MBOAT1: variants seen among roughly 807,000 people sequenced by gnomAD.
MBOAT1 encodes membrane-bound glycerophospholipid O-acyltransferase 1.
MBOAT1 carries 67 observed loss-of-function variants against 64.4 expected under a neutral mutation model. The ratio of observed to expected loss-of-function variants is 1.04; its 90% confidence interval spans 0.85 to 1.27. The LOEUF (loss-of-function observed/expected upper bound fraction) is 1.27. Among genes scored for constraint, MBOAT1 ranks in the 50% most tolerant of loss-of-function variants. The probability of loss-of-function intolerance (pLI) is 0.00; values close to 1 mark genes in which losing one functional copy is unlikely to be tolerated. For synonymous variants in MBOAT1, 229 were observed against 218.9 expected, an observed-to-expected ratio of 1.05 and a Z score of -0.41; for missense variants, 563 against 604.6, an observed-to-expected ratio of 0.93 and a Z score of 0.72.
rs773271078 is a variant in MBOAT1, at chr6:20,112,995, G to T, written c.1090C>A (p.Arg364=). The change falls in exon 11 of 13, where the codon CGG becomes AGG. Residue 364 remains arginine (R), a synonymous_variant. Transcript: ENST00000324607. The part of the protein sequence containing the change: ...ATWLKCVCYQ[R]VPWYPTVLTF... ...AGCACCGTGGGGTACCATGGAACCC[G>T]CTGATAGCACACACTGTGAAGAGAG... 6.2e-7 allele frequency: 1 copy of T among 1,613,656 alleles called. No homozygotes were observed. Among genetic ancestry groups the T allele is most frequent in the East Asian group, 2.2e-5 (1 of 44,890 alleles).
chr6:20,150,708 T>C (rs1170800888), intron 3 of MBOAT1, among the ~76,000 whole-genome samples: 4 of 150,756 alleles, frequency 2.7e-5, no homozygotes, highest in Non-Finnish European at 3.0e-5. Flanking sequence ...GGACTATAGG[T>C]GCGCACCACT....
rs1437144124 is a variant in MBOAT1 at position 20,106,264 on chromosome 6, C to A, written c.1361+3334G>T. ...GTAATCAATCTGGAATAGCCACTGG[C>A]AATATGTGGCTGTTAAAATTCTAAT... On this transcript the variant is annotated intron_variant, in intron 12 of 12. Transcript: ENST00000324607. Among the ~76,000 whole-genome samples, 3 of 152,246 alleles carry A rather than the reference C, an allele frequency of 2.0e-5. No individual in the cohort carries two copies. In the East Asian group the frequency reaches 5.8e-4, roughly 29 times the overall value.
chr6:20,118,359 C>T lies in MBOAT1; in HGVS notation c.1011+78G>A, dbSNP rs148746832. On this transcript the variant is annotated intron_variant, in intron 9 of 12. Coordinates refer to ENST00000324607, the MANE Select transcript of MBOAT1 (RefSeq NM_001080480.3). The stretch of plus-strand genomic sequence containing the variant: ...CTTTTCTTTGGACACATGGATGAAG[C>T]ATTCTGGGGATACAACACTCAAAGC... 1.8e-3 allele frequency: 2,076 copies of T among 1,143,380 alleles called. 15 individuals carry two copies. In the African/African-American group the frequency reaches 0.028, roughly 15 times the overall value. 70.8% of individuals were successfully genotyped at this position (1,143,380 alleles called of 1,614,324 possible). A position where few individuals can be genotyped will look rare whatever the true frequency, so the allele number is the denominator to read the frequency against.
At chr6:20,120,883 T>C (rs957775235) in intron 8 of MBOAT1, among the ~76,000 whole-genome samples, 2 of 152,212 alleles carry the variant, frequency 1.3e-5, no homozygotes. Context: ...GGTTTTTGTC[T>C]CAGAGCAGTA....
intron 1 of MBOAT1, among the ~76,000 whole-genome samples, chr6:20,169,851 A>G (rs1047318104): frequency 6.6e-6 from 1 of 152,178 alleles, no homozygotes; most frequent in Non-Finnish European, 1.5e-5. Flanking sequence ...CTCTAAAGTT[A>G]CACTTCATTT....
chr6:20,108,245 A>G (rs896616382), intron 12 of MBOAT1, among the ~76,000 whole-genome samples: 1 of 152,192 alleles, frequency 6.6e-6, no homozygotes, highest in Non-Finnish European at 1.5e-5. Context: ...ATGGCCACAC[A>G]TGTTGGGTTT....
chr6:20,179,873 T>C (rs1384914772), intron 1 of MBOAT1, among the ~76,000 whole-genome samples: 1 of 152,198 alleles, frequency 6.6e-6, no homozygotes, highest in Non-Finnish European at 1.5e-5. Flanking sequence ...TGAGATGCTA[T>C]CTCATTGTGG....
intron 1 of MBOAT1, among the ~76,000 whole-genome samples, chr6:20,205,564 G>A (rs11752209): frequency 0.68 from 103,597 of 151,978 alleles, 36,414 homozygotes; most frequent in East Asian, 0.87. Context: ...AGCAGTCTCT[G>A]GTAGGCCAGC....
intron 2 of MBOAT1, among the ~76,000 whole-genome samples, 192 bp from the exon 3 acceptor site, chr6:20,151,454 A>T (rs1761490973): frequency 6.6e-6 from 1 of 152,292 alleles, no homozygotes; most frequent in African/African-American, 2.4e-5. Flanking sequence ...CTGTATCATA[A>T]CGACACAGTT....
At chr6:20,134,178 C>A (rs1406905667) in intron 4 of MBOAT1, among the ~76,000 whole-genome samples, 1 of 152,170 alleles carries the variant, frequency 6.6e-6, no homozygotes, top group Non-Finnish European at 1.5e-5. Context: ...ATTTCCCTAG[C>A]AGGCATTTCA....
In MBOAT1 at chr6:20,102,138, A is replaced by T; in HGVS notation, c.*148T>A. 8.1e-6 allele frequency: 4 copies of T among 496,676 alleles called. No homozygotes were observed. The highest frequency in any genetic ancestry group is 1.2e-5 in the Non-Finnish European group (4 of 328,666). 30.8% of individuals were successfully genotyped at this position (496,676 alleles called of 1,614,324 possible). A position where few individuals can be genotyped will look rare whatever the true frequency, so the allele number is the denominator to read the frequency against. On this transcript the variant is annotated 3_prime_UTR_variant, in exon 13 of 13. Coordinates refer to ENST00000324607, the MANE Select transcript of MBOAT1 (RefSeq NM_001080480.3). ...TCAAAAAAAAAAAAAAAAAAAAAAA[A>T]AAAAAAATACTCCCTGCACTTTAAA...
intron 4 of MBOAT1, among the ~76,000 whole-genome samples, chr6:20,135,205 A>T (rs1760948472): frequency 6.6e-6 from 1 of 152,172 alleles, no homozygotes; most frequent in African/African-American, 2.4e-5. Context: ...ATTGTCCTAT[A>T]CATTTTTTTC....
At chr6:20,169,458 G>A (rs577712641) in intron 1 of MBOAT1, among the ~76,000 whole-genome samples, 4 of 152,214 alleles carry the variant, frequency 2.6e-5, no homozygotes, top group African/African-American at 4.8e-5. Context: ...TGGGACTGAC[G>A]AAATAGGAAT....
chr6:20,209,631 T>C lies in MBOAT1; in HGVS notation c.99+2505A>G, dbSNP rs116790896. ...AATGATTCAGTGTCCTTAAGAGGCA[T>C]ACAAAAAACTATTTGAGTAACTTGA... On this transcript the variant is annotated intron_variant, in intron 1 of 12. Transcript: ENST00000324607. 4.9e-3 allele frequency among the ~76,000 whole-genome samples: 739 copies of C among 152,324 alleles called. 9 individuals carry two copies. The highest frequency in any genetic ancestry group is 0.017 in the African/African-American group (702 of 41,574).
chr6:20,121,993 C>T (rs1003151957), intron 8 of MBOAT1, among the ~76,000 whole-genome samples: 7 of 151,924 alleles, frequency 4.6e-5, no homozygotes, highest in South Asian at 4.2e-4. Context: ...GGTGAAACTC[C>T]GTCTCTACTA....
chr6:20,212,103 G>C (rs1210100783), intron 1 of MBOAT1, 33 bp downstream of exon 1: 1 of 1,598,602 alleles, frequency 6.3e-7, no homozygotes, highest in East Asian at 2.2e-5. Flanking sequence ...TCGCTGGGGA[G>C]CTGGGGTCGC....
intron 7 of MBOAT1, 131 bp from the exon 8 acceptor site, chr6:20,124,731 A>G: frequency 2.7e-6 from 2 of 740,456 alleles, no homozygotes; most frequent in Admixed American, 5.6e-5. Flanking sequence ...AGGAGTGACA[A>G]CAGGCATTCT....
At chr6:20,123,971 G>A (rs1760574112) in intron 8 of MBOAT1, among the ~76,000 whole-genome samples, 2 of 152,092 alleles carry the variant, frequency 1.3e-5, no homozygotes, top group South Asian at 4.1e-4. Flanking sequence ...GCAGGAGAAT[G>A]GCATTAACCC....
At chr6:20,158,336 T>C (rs1230239311) in intron 1 of MBOAT1, among the ~76,000 whole-genome samples, 1 of 152,168 alleles carries the variant, frequency 6.6e-6, no homozygotes, top group African/African-American at 2.4e-5. Flanking sequence ...AGGATAGTCT[T>C]TCAATAAATG....
Sources: allele counts gnomAD v4.1 joint callset (sites outside exome capture counted in the v4.1 genomes callset), GRCh38; gene constraint gnomAD v4.1.1; transcripts MANE v1.5; gene names NCBI Gene and HGNC (gene_info 2026-07-23, HGNC 2026-07-21).